The following CLNK variants were observed in gnomAD, a reference collection of about 807,000 sequenced individuals.
The protein encoded by CLNK is cytokine-dependent hematopoietic cell linker.
A neutral mutation model predicts 68.6 loss-of-function variants in CLNK; 74 were observed. That is an observed-to-expected ratio of 1.08 (90% CI 0.89 to 1.31). The LOEUF is 1.31. Ranked by LOEUF, CLNK falls within the 50% of genes most tolerant of loss-of-function variation. CLNK has a pLI of 0.00. For missense variants in CLNK, 553 were observed against 515.3 expected (o/e 1.07, Z -0.71); for synonymous variants, 198 against 172.2 (o/e 1.15, Z -1.17).
At chr4:10,703,015 C>T in the CLNK span, among the ~76,000 whole-genome samples, 3 of 152,144 alleles carry the variant, frequency 2.0e-5, no homozygotes, top group African/African-American at 4.8e-5. Context: ...ATATGAGGTG[C>T]GTTTCTTTAT....
Position 10,489,588 on chromosome 4 carries a change from G to A in CLNK, c.*879C>T, listed in dbSNP as rs1716478931. On this transcript the variant is annotated 3_prime_UTR_variant, in exon 19 of 19. Transcript: ENST00000226951. ...TTCAAGGTGACATTCACAATTGCTGGTTTTCCATACCACATTTCTTCCCTA... is the reference window on the plus strand; with the variant it reads ...TTCAAGGTGACATTCACAATTGCTGATTTTCCATACCACATTTCTTCCCTA... 2 of 151,472 alleles carry A rather than the reference G, an allele frequency of 1.3e-5. No individual in the cohort carries two copies. The highest frequency in any genetic ancestry group is 2.1e-4 in the South Asian group (1 of 4,790). 9.4% of individuals were successfully genotyped at this position (151,472 alleles called of 1,614,324 possible).
intron 16 of CLNK, among the ~76,000 whole-genome samples, chr4:10,508,930 A>G (rs1717440519): frequency 6.6e-6 from 1 of 152,052 alleles, no homozygotes; most frequent in African/African-American, 2.4e-5. Context: ...AACATGGTGA[A>G]ACCCCGTCTC....
rs75442780 is a variant in CLNK, at chr4:10,650,820, C to T, written c.11+17039G>A. Among the ~76,000 whole-genome samples the T allele has an allele frequency of 8.2e-3, 1,246 of 151,804 alleles. 17 individuals carry two copies. The highest frequency in any genetic ancestry group is 0.028 in the African/African-American group (1,179 of 41,392). ...ATGCATCTGGCAAAAGGCTAATATCCAGAATCTACAAGGAACTTAAACAAA... is the reference window on the plus strand; with the variant it reads ...ATGCATCTGGCAAAAGGCTAATATCTAGAATCTACAAGGAACTTAAACAAA... On this transcript the variant is annotated intron_variant, in intron 2 of 18. Transcript: ENST00000226951.
chr4:10,550,437 G>T (rs1719402321), intron 8 of CLNK, among the ~76,000 whole-genome samples: 4 of 152,154 alleles, frequency 2.6e-5, no homozygotes. Context: ...GGAGCTTGCA[G>T]TGAGCCAAGA....
intron 3 of CLNK, among the ~76,000 whole-genome samples, chr4:10,585,449 G>A (rs1560228685): frequency 2.0e-5 from 3 of 152,186 alleles, no homozygotes; most frequent in Admixed American, 6.5e-5. Context: ...GGCAAACGCC[G>A]AGCTGTAACC....
the CLNK span, among the ~76,000 whole-genome samples, chr4:10,695,861 CT>C: frequency 5.4e-3 from 778 of 143,476 alleles, 1 homozygote; most frequent in Admixed American, 6.9e-3. Context: ...ACAATTAGAG[CT>C]TTTTTTTTTT....
chr4:10,663,395 C>T (rs147163394), intron 2 of CLNK, among the ~76,000 whole-genome samples: 9 of 152,270 alleles, frequency 5.9e-5, no homozygotes, highest in African/African-American at 9.6e-5. Context: ...CTATGTAATA[C>T]GGAAATAATT....
At chr4:10,526,303 T>A (rs963149862) in intron 13 of CLNK, among the ~76,000 whole-genome samples, 7 of 152,150 alleles carry the variant, frequency 4.6e-5, no homozygotes, top group African/African-American at 1.7e-4. Context: ...GAATAGCTAC[T>A]ATGGGACAAG....
At chr4:10,524,018 AAAAGAAAGAAAG>A (rs201317936) in intron 14 of CLNK, 1 of 240,048 alleles carries the variant, frequency 4.2e-6, no homozygotes, top group Non-Finnish European at 8.7e-6. Flanking sequence ...GTCTCAAAGA[AAAAGAAAGAAAG>A]AAAGGAAGAA....
At chr4:10,625,174 T>A (rs1375751358) in intron 2 of CLNK, among the ~76,000 whole-genome samples, 1 of 152,132 alleles carries the variant, frequency 6.6e-6, no homozygotes, top group African/African-American at 2.4e-5. Flanking sequence ...CCATGCAGGA[T>A]TTTAACAGAC....
At chr4:10,696,265 G>A in the CLNK span, among the ~76,000 whole-genome samples, 11 of 152,096 alleles carry the variant, frequency 7.2e-5, no homozygotes, top group African/African-American at 2.7e-4. Flanking sequence ...CCGTTCTTTG[G>A]TCCTAGGTCA....
the CLNK span, among the ~76,000 whole-genome samples, chr4:10,711,775 A>G: frequency 2.6e-5 from 4 of 152,202 alleles, no homozygotes; most frequent in Non-Finnish European, 5.9e-5. Context: ...ATGGAATTGA[A>G]ATAGATTATT....
intron 1 of CLNK, among the ~76,000 whole-genome samples, chr4:10,675,762 C>T (rs1724846732): frequency 6.6e-6 from 1 of 151,732 alleles, no homozygotes; most frequent in African/African-American, 2.4e-5. Flanking sequence ...TAGGAAATGA[C>T]CAAAAGCAAA....
chr4:10,611,706 G>T (rs932071220), intron 2 of CLNK, among the ~76,000 whole-genome samples: 1 of 152,138 alleles, frequency 6.6e-6, no homozygotes, highest in African/African-American at 2.4e-5. Context: ...AAGACAGAGT[G>T]AGGCCCAATG....
rs138675248 is a variant in CLNK, at chr4:10,574,330, C to G, written c.113-2552G>C. Among the ~76,000 whole-genome samples the G allele has an allele frequency of 5.0e-3, 765 of 152,290 alleles. 5 individuals are homozygous for G. Among genetic ancestry groups the G allele is most frequent in the African/African-American group, 0.018 (750 of 41,552 alleles). Reference sequence around the variant, plus strand: ...ACCTTGAACTCTCTTCTCTGTGAGGCCCTACCTTGTGGGATTCCATATTCA... The same window carrying G: ...ACCTTGAACTCTCTTCTCTGTGAGGGCCTACCTTGTGGGATTCCATATTCA... On this transcript the variant is annotated intron_variant, in intron 4 of 18. Transcript: ENST00000226951.
chr4:10,719,284 T>C, the CLNK span, among the ~76,000 whole-genome samples: 4 of 152,108 alleles, frequency 2.6e-5, no homozygotes, highest in African/African-American at 9.6e-5. Context: ...ATAGGCCAAC[T>C]ATATGCTTAC....
intron 1 of CLNK, among the ~76,000 whole-genome samples, chr4:10,680,466 A>G (rs1725054993): frequency 6.6e-6 from 1 of 152,036 alleles, no homozygotes; most frequent in Non-Finnish European, 1.5e-5. Flanking sequence ...ATGTATACAT[A>G]TGTAACAAAC....
At chr4:10,708,472 T>C in the CLNK span, among the ~76,000 whole-genome samples, 1 of 152,176 alleles carries the variant, frequency 6.6e-6, no homozygotes, top group African/African-American at 2.4e-5. Flanking sequence ...GTGGCAGAGC[T>C]GGAGTCGAGA....
chr4:10,643,670 T>A (rs912090492), intron 2 of CLNK, among the ~76,000 whole-genome samples: 1 of 152,236 alleles, frequency 6.6e-6, no homozygotes, highest in African/African-American at 2.4e-5. Flanking sequence ...TGTCACACTA[T>A]CACACTTTCT....
Sources: allele counts gnomAD v4.1 joint callset (sites outside exome capture counted in the v4.1 genomes callset), GRCh38; gene constraint gnomAD v4.1.1; transcripts MANE v1.5; gene names NCBI Gene and HGNC (gene_info 2026-07-23, HGNC 2026-07-21).